The following ADAM12 variants were observed in gnomAD, a reference collection of about 807,000 sequenced individuals.
The protein encoded by ADAM12 is disintegrin and metalloproteinase domain-containing protein 12.
A neutral mutation model predicts 106.4 loss-of-function variants in ADAM12; 70 were observed. That is an observed-to-expected ratio of 0.66 (90% CI 0.54 to 0.80). The LOEUF (loss-of-function observed/expected upper bound fraction) is 0.80, where lower values mean the gene tolerates loss of function less well. Among genes scored for constraint, ADAM12 ranks in the 30% least tolerant of loss-of-function variants. ADAM12 has a pLI of 0.00. For synonymous variants in ADAM12, 420 were observed against 433.5 expected, an observed-to-expected ratio of 0.97 and a Z score of 0.39; for missense variants, 1,010 against 1,171.9, an observed-to-expected ratio of 0.86 and a Z score of 2.02.
intron 18 of ADAM12, chr10:126,041,823 C>A (rs1417026552): frequency 8.4e-7 from 1 of 1,188,222 alleles, no homozygotes; most frequent in South Asian, 2.9e-5. Context: ...TTTGAGTCCT[C>A]TTCCTCCTTG....
chr10:126,283,170 C>T (rs893859183), intron 2 of ADAM12, among the ~76,000 whole-genome samples: 62 of 152,042 alleles, frequency 4.1e-4, no homozygotes, highest in East Asian at 1.9e-4. Context: ...GCTAATCTGA[C>T]GGGAGGCGGA....
rs545397931 is a variant in ADAM12, at chr10:126,037,027, C to T, written c.2350-702G>A. 7.9e-5 allele frequency among the ~76,000 whole-genome samples: 12 copies of T among 152,290 alleles called. No homozygotes were observed. The South Asian group carries it at 2.5e-3, about 32-fold the overall frequency. On this transcript the variant is annotated intron_variant, in intron 20 of 22. Transcript: ENST00000448723. Reference sequence around the variant, plus strand: ...AAGAGTTTTCTTGTCATGCTTCTCCCTTCCCTCTCCCTCCAATCATCAGTC... The same window carrying T: ...AAGAGTTTTCTTGTCATGCTTCTCCTTTCCCTCTCCCTCCAATCATCAGTC...
chr10:126,032,734 A>G (rs1953992715), intron 21 of ADAM12, among the ~76,000 whole-genome samples: 1 of 152,210 alleles, frequency 6.6e-6, no homozygotes, highest in Non-Finnish European at 1.5e-5. Context: ...TTATGAGTTC[A>G]TAGCTTTTGT....
intron 3 of ADAM12, among the ~76,000 whole-genome samples, chr10:126,189,895 G>A (rs1053237338): frequency 3.3e-5 from 5 of 152,140 alleles, no homozygotes; most frequent in Non-Finnish European, 7.3e-5. Context: ...TCCCTAGGCC[G>A]TGTGTGCAGC....
intron 2 of ADAM12, among the ~76,000 whole-genome samples, chr10:126,300,533 A>G (rs1960574194): frequency 6.6e-6 from 1 of 152,202 alleles, no homozygotes; most frequent in South Asian, 2.1e-4. Context: ...AGCAATAATC[A>G]ATCATGGGTG....
chr10:126,377,388 G>A (rs1033199238), intron 1 of ADAM12, among the ~76,000 whole-genome samples: 5 of 152,198 alleles, frequency 3.3e-5, no homozygotes, highest in African/African-American at 7.2e-5. Context: ...CCCGGAGTCC[G>A]ATGTTCAAGG....
intron 3 of ADAM12, among the ~76,000 whole-genome samples, chr10:126,167,856 T>A (rs1262099688): frequency 1.3e-5 from 2 of 152,138 alleles, no homozygotes; most frequent in African/African-American, 4.8e-5. Flanking sequence ...AATGACACTA[T>A]GAGTTGGTAT....
chr10:126,190,843 G>C (rs1957485501), intron 3 of ADAM12, among the ~76,000 whole-genome samples: 1 of 152,050 alleles, frequency 6.6e-6, no homozygotes, highest in South Asian at 2.1e-4. Context: ...GAGCAGCCCA[G>C]GAATAGAAAT....
At chr10:126,379,913 G>A (rs1260512572) in intron 1 of ADAM12, among the ~76,000 whole-genome samples, 1 of 152,154 alleles carries the variant, frequency 6.6e-6, no homozygotes, top group East Asian at 1.9e-4. Flanking sequence ...CACCATGCCT[G>A]CTAGGGGAAG....
At chr10:126,245,928 C>G (rs1263504746) in intron 3 of ADAM12, among the ~76,000 whole-genome samples, 2 of 151,902 alleles carry the variant, frequency 1.3e-5, no homozygotes, top group African/African-American at 4.8e-5. Flanking sequence ...GGTTTGGCTG[C>G]AAGATAAAGG....
chr10:126,238,249 G>A (rs1958457493), intron 3 of ADAM12, among the ~76,000 whole-genome samples: 1 of 152,212 alleles, frequency 6.6e-6, no homozygotes, highest in Non-Finnish European at 1.5e-5. Context: ...TGAGGCCAAG[G>A]CAGGTGGATC....
chr10:126,337,933 A>C (rs2133863472), intron 1 of ADAM12, among the ~76,000 whole-genome samples: 1 of 152,314 alleles, frequency 6.6e-6, no homozygotes, highest in African/African-American at 2.4e-5. Context: ...AAATAAACTT[A>C]AAAAGATCCT....
At position 126,267,474 on chromosome 10, in the gene ADAM12, C is replaced by A. The variant is rs543923446; in HGVS notation, c.260+11441G>T. On this transcript the variant is annotated intron_variant, in intron 3 of 22. Transcript: ENST00000448723. ...TTTTTCTGCAACTAGACGATCCCAT[C>A]TGGGGGTGATGGGAGACAGCGACAG... is the stretch of plus-strand genomic sequence containing the variant. 3.3e-5 allele frequency among the ~76,000 whole-genome samples: 5 copies of A among 152,320 alleles called. No homozygotes were observed. In the East Asian group the frequency reaches 9.6e-4, roughly 29 times the overall value.
intron 17 of ADAM12, 118 bp downstream of exon 17, chr10:126,045,937 A>T: frequency 1.2e-6 from 1 of 855,122 alleles, no homozygotes; most frequent in South Asian, 1.6e-5. Flanking sequence ...AAAATATTTC[A>T]AACACAATAA....
intron 3 of ADAM12, among the ~76,000 whole-genome samples, chr10:126,167,284 C>T (rs900657489): frequency 1.3e-5 from 2 of 152,354 alleles, no homozygotes; most frequent in Middle Eastern, 3.4e-3. Flanking sequence ...ACACAGCTGG[C>T]ACTGTGTAGG....
rs145708874 is a variant in ADAM12, at chr10:126,283,617, T to C, written c.187-4629A>G. Among the ~76,000 whole-genome samples the C allele has an allele frequency of 1.1e-4, 17 of 152,338 alleles. No homozygotes were observed. The East Asian group carries it at 1.5e-3, about 14-fold the overall frequency. The stretch of plus-strand genomic sequence containing the variant: ...TGATTTTCTTCTCCTGTGAAATACT[T>C]GCTCATGTTTTCTGACCATTTCCTT... On this transcript the variant is annotated intron_variant, in intron 2 of 22. Coordinates refer to ENST00000448723, the MANE Select transcript of ADAM12 (RefSeq NM_001288973.2).
intron 2 of ADAM12, among the ~76,000 whole-genome samples, chr10:126,303,073 C>T (rs1960692771): frequency 6.6e-6 from 1 of 152,174 alleles, no homozygotes; most frequent in Admixed American, 6.5e-5. Flanking sequence ...GGAGACAGGA[C>T]TGATTTGATC....
At chr10:126,101,899 A>G (rs1955675074) in intron 8 of ADAM12, among the ~76,000 whole-genome samples, 1 of 152,170 alleles carries the variant, frequency 6.6e-6, no homozygotes, top group African/African-American at 2.4e-5. Flanking sequence ...TGTCATGGAA[A>G]GGTCTGTTAA....
intron 3 of ADAM12, among the ~76,000 whole-genome samples, chr10:126,194,639 T>A (rs1957564452): frequency 6.6e-6 from 1 of 152,132 alleles, no homozygotes; most frequent in Non-Finnish European, 1.5e-5. Context: ...AAATACAGAG[T>A]AAATTACCAA....
Sources: gnomAD v4.1 joint callset for allele counts (sites outside exome capture counted in the v4.1 genomes callset) on GRCh38, gnomAD v4.1.1 for gene constraint, MANE v1.5 for transcripts, NCBI Gene and HGNC (gene_info 2026-07-23, HGNC 2026-07-21) for gene names.